RAB31: variants seen among roughly 807,000 people sequenced by gnomAD.
RAB31 encodes RAB31, member RAS oncogene family.
In RAB31, 21 loss-of-function variants were observed where a neutral mutation model predicts 25.6. The ratio of observed to expected loss-of-function variants is 0.82; its 90% CI spans 0.58 to 1.18. RAB31 has a LOEUF of 1.18. Among genes scored for constraint, RAB31 ranks in the 50% most tolerant of loss-of-function variants. The pLI is 0.00. For missense variants in RAB31, 196 were observed against 250.1 expected, an observed-to-expected ratio of 0.78 and a Z score of 1.46; for synonymous variants, 87 against 84.0, an observed-to-expected ratio of 1.04 and a Z score of -0.20.
intron 2 of RAB31, among the ~76,000 whole-genome samples, chr18:9,778,338 G>A (rs1341263447): frequency 6.6e-6 from 1 of 152,152 alleles, no homozygotes; most frequent in Non-Finnish European, 1.5e-5. Flanking sequence ...AGTTGACAGT[G>A]TTTTGTCTAG....
intron 1 of RAB31, among the ~76,000 whole-genome samples, chr18:9,739,590 T>C (rs527506886): frequency 3.0e-4 from 46 of 152,192 alleles, no homozygotes; most frequent in African/African-American, 1.0e-3. Flanking sequence ...ATTCTTAGCC[T>C]ATGGAGAGTA....
At chr18:9,809,919 G>A (rs959275660) in intron 3 of RAB31, among the ~76,000 whole-genome samples, 5 of 152,204 alleles carry the variant, frequency 3.3e-5, no homozygotes, top group African/African-American at 1.2e-4. Context: ...TGCGGGCAGG[G>A]TTAATGTCCA....
intron 1 of RAB31, among the ~76,000 whole-genome samples, chr18:9,712,445 T>C (rs996069654): frequency 3.3e-5 from 5 of 152,252 alleles, no homozygotes; most frequent in African/African-American, 1.2e-4. Flanking sequence ...AGTTTCCTTC[T>C]TACCAGGAAA....
At chr18:9,842,196 A>G (rs1055007141) in intron 5 of RAB31, among the ~76,000 whole-genome samples, 5 of 152,118 alleles carry the variant, frequency 3.3e-5, no homozygotes, top group African/African-American at 7.2e-5. Flanking sequence ...CTTGTGTTCA[A>G]TAGTTCGTAT....
chr18:9,807,675 TA>T (rs1413047274), intron 3 of RAB31, among the ~76,000 whole-genome samples: 3 of 152,096 alleles, frequency 2.0e-5, no homozygotes, highest in Non-Finnish European at 4.4e-5. Context: ...CATTGTCTTT[TA>T]AAAAAACACT....
chr18:9,758,860 C>T (rs767377717), intron 1 of RAB31, among the ~76,000 whole-genome samples: 17 of 152,114 alleles, frequency 1.1e-4, no homozygotes, highest in Non-Finnish European at 1.9e-4. Context: ...CCACCGCTGC[C>T]GAGGCCTTTG....
At chr18:9,767,891 C>G (rs1218863317) in intron 1 of RAB31, among the ~76,000 whole-genome samples, 1 of 151,988 alleles carries the variant, frequency 6.6e-6, no homozygotes, top group Non-Finnish European at 1.5e-5. Context: ...CCTGACAGGC[C>G]CCAGTGTGTG....
At chr18:9,721,296 C>T (rs747827983) in intron 1 of RAB31, among the ~76,000 whole-genome samples, 1 of 152,086 alleles carries the variant, frequency 6.6e-6, no homozygotes, top group African/African-American at 2.4e-5. Flanking sequence ...AGAAAATAAC[C>T]GATGTAGAGT....
At chr18:9,846,541 C>T (rs190957800) in intron 6 of RAB31, among the ~76,000 whole-genome samples, 1 of 152,248 alleles carries the variant, frequency 6.6e-6, no homozygotes, top group African/African-American at 2.4e-5. Flanking sequence ...CCCTGAAGTT[C>T]CTGGAATAGC....
At chr18:9,778,227 A>G (rs1394322562) in intron 2 of RAB31, among the ~76,000 whole-genome samples, 1 of 152,148 alleles carries the variant, frequency 6.6e-6, no homozygotes, top group East Asian at 1.9e-4. Flanking sequence ...GCCAGCCCAG[A>G]TTAAAGGGGG....
At chr18:9,813,096 T>C (rs1327806645) in intron 3 of RAB31, among the ~76,000 whole-genome samples, 2 of 152,222 alleles carry the variant, frequency 1.3e-5, no homozygotes, top group Non-Finnish European at 2.9e-5. Context: ...TAATGACCTC[T>C]CCTGTCTGGG....
At chr18:9,838,387 G>A (rs749372647) in intron 5 of RAB31, among the ~76,000 whole-genome samples, 1 of 152,198 alleles carries the variant, frequency 6.6e-6, no homozygotes, top group African/African-American at 2.4e-5. Flanking sequence ...CTGGTGTGGA[G>A]GTGGAGCTCA....
chr18:9,711,365 C>T (rs1477765263), intron 1 of RAB31, among the ~76,000 whole-genome samples: 1 of 151,660 alleles, frequency 6.6e-6, no homozygotes, highest in Non-Finnish European at 1.5e-5. Flanking sequence ...GTCCAAAAGT[C>T]CTTTAAAAAA....
At chr18:9,738,987 C>T (rs1438092663) in intron 1 of RAB31, among the ~76,000 whole-genome samples, 2 of 152,166 alleles carry the variant, frequency 1.3e-5, no homozygotes, top group East Asian at 3.8e-4. Context: ...ACCTCCTGTA[C>T]ATTTGGTCAC....
intron 1 of RAB31, among the ~76,000 whole-genome samples, chr18:9,765,272 A>T (rs2068310075): frequency 6.6e-6 from 1 of 152,120 alleles, no homozygotes; most frequent in Non-Finnish European, 1.5e-5. Flanking sequence ...CTTTTTATTG[A>T]TACTGTGTTT....
In RAB31 at chr18:9,767,693, G is replaced by T. The variant is rs182335573; in HGVS notation, c.40-7585G>T. Reference sequence around the variant, plus strand: ...GTAGTCGCGATCTATTTGCCTGGGAGGTATCATTCTTTTTTAAAATTATTA... The same window carrying T: ...GTAGTCGCGATCTATTTGCCTGGGATGTATCATTCTTTTTTAAAATTATTA... On this transcript the variant is annotated intron_variant, in intron 1 of 6. Transcript: ENST00000578921. 2.8e-3 allele frequency among the ~76,000 whole-genome samples: 424 copies of T among 152,194 alleles called. 2 individuals carry two copies. Among genetic ancestry groups the T allele is most frequent in the Non-Finnish European group, 4.3e-3 (293 of 68,008 alleles).
Position 9,860,186 on chromosome 18 carries a change from G to C in RAB31, c.*861G>C, listed in dbSNP as rs956782118. The stretch of plus-strand genomic sequence containing the variant: ...CGCACATAGTATTATTTTACTAAGA[G>C]AATATCTCTTGGTGTCATATCTAGG... On this transcript the variant is annotated 3_prime_UTR_variant, in exon 7 of 7. Transcript: ENST00000578921. 6.6e-6 allele frequency: 1 copy of C among 152,162 alleles called. No individual in the cohort carries two copies. The highest frequency in any genetic ancestry group is 2.4e-5 in the African/African-American group (1 of 41,428). 9.4% of individuals were successfully genotyped at this position (152,162 alleles called of 1,614,324 possible).
intron 5 of RAB31, among the ~76,000 whole-genome samples, chr18:9,834,184 T>G (rs1006690968): frequency 3.9e-5 from 6 of 152,164 alleles, no homozygotes; most frequent in South Asian, 2.1e-4. Context: ...GGTGTAATCT[T>G]GGCTCCCTGC....
chr18:9,739,151 T>G (rs1475234365), intron 1 of RAB31, among the ~76,000 whole-genome samples: 1 of 152,214 alleles, frequency 6.6e-6, no homozygotes, highest in Non-Finnish European at 1.5e-5. Flanking sequence ...TAAATACATC[T>G]CGTAAATTTG....
Sources: allele counts gnomAD v4.1 joint callset (sites outside exome capture counted in the v4.1 genomes callset), GRCh38; gene constraint gnomAD v4.1.1; transcripts MANE v1.5; gene names NCBI Gene and HGNC (gene_info 2026-07-23, HGNC 2026-07-21).